The following RAP1A variants were observed in gnomAD, a reference collection of about 807,000 sequenced individuals.
The protein encoded by RAP1A is ras-related protein Rap-1A.
Under a neutral mutation model 26.4 loss-of-function variants are expected in RAP1A, and 6 were observed. The observed-to-expected ratio is 0.23, with a 90% CI of 0.12 to 0.45. The LOEUF (loss-of-function observed/expected upper bound fraction) is 0.45, where lower values mean the gene tolerates loss of function less well. RAP1A is among the 20% of genes least tolerant of loss of function. The probability of loss-of-function intolerance (pLI) is 0.99; values close to 1 mark genes in which losing one functional copy is unlikely to be tolerated. For missense variants in RAP1A, 121 were observed against 217.2 expected (o/e 0.56, Z 2.78); for synonymous variants, 73 against 79.4 (o/e 0.92, Z 0.43).
intron 2 of RAP1A, among the ~76,000 whole-genome samples, chr1:111,691,683 T>C (rs1195130122): frequency 6.6e-6 from 1 of 152,204 alleles, no homozygotes; most frequent in Non-Finnish European, 1.5e-5. Context: ...AGGAGTAAGA[T>C]TGTTCTCTTT....
At chr1:111,615,692 G>A (rs1326067426), upstream of RAP1A, among the ~76,000 whole-genome samples, 2 of 151,986 alleles carry the variant, frequency 1.3e-5, no homozygotes, top group Non-Finnish European at 1.5e-5. Context: ...TTAGCTGGCC[G>A]TGGTGGCCTG....
intron 1 of RAP1A, among the ~76,000 whole-genome samples, chr1:111,667,483 G>A (rs1302031493): frequency 2.0e-5 from 3 of 152,012 alleles, no homozygotes; most frequent in South Asian, 2.1e-4. Flanking sequence ...TCAGGAGTTC[G>A]AGACCAGCCT....
chr1:111,690,612 G>A (rs1307611994), intron 1 of RAP1A, among the ~76,000 whole-genome samples: 8 of 152,092 alleles, frequency 5.3e-5, no homozygotes, highest in African/African-American at 1.9e-4. Context: ...ATATTTTTTT[G>A]TTCACTGTTC....
At chr1:111,685,309 A>G (rs1355858508) in intron 1 of RAP1A, among the ~76,000 whole-genome samples, 3 of 152,358 alleles carry the variant, frequency 2.0e-5, no homozygotes, top group Admixed American at 6.5e-5. Flanking sequence ...TCTGCACAGC[A>G]AAAGAAACTA....
intron 1 of RAP1A, among the ~76,000 whole-genome samples, chr1:111,643,562 A>G (rs1433091763): frequency 6.6e-6 from 1 of 152,184 alleles, no homozygotes; most frequent in Non-Finnish European, 1.5e-5. Flanking sequence ...TGACATATAT[A>G]ACTGTATTTA....
At chr1:111,607,807 C>T (rs1241434095) in intron 1 of RAP1A, among the ~76,000 whole-genome samples, 1 of 130,252 alleles carries the variant, frequency 7.7e-6, no homozygotes. Flanking sequence ...GGCGGCTGGC[C>T]GGGCGGGGGG....
chr1:111,707,251 G>C (rs147841673), intron 6 of RAP1A, among the ~76,000 whole-genome samples: 7 of 152,046 alleles, frequency 4.6e-5, no homozygotes, highest in Non-Finnish European at 5.9e-5. Flanking sequence ...ATTTAGTCTT[G>C]TAGTCTGGAC....
At chr1:111,646,697 C>T (rs1452624270) in intron 1 of RAP1A, among the ~76,000 whole-genome samples, 1 of 152,072 alleles carries the variant, frequency 6.6e-6, no homozygotes, top group African/African-American at 2.4e-5. Context: ...CCCGCCACCA[C>T]ACCCGGCTAA....
intron 1 of RAP1A, among the ~76,000 whole-genome samples, chr1:111,603,592 A>T (rs745436611): frequency 6.6e-6 from 1 of 152,156 alleles, no homozygotes; most frequent in Non-Finnish European, 1.5e-5. Flanking sequence ...TTAGGTAACA[A>T]ATATTTCATT....
chr1:111,579,734 T>C (rs1357212718), intron 1 of RAP1A, among the ~76,000 whole-genome samples: 3 of 152,218 alleles, frequency 2.0e-5, no homozygotes, highest in African/African-American at 7.2e-5. Context: ...TTAGTTTACC[T>C]TGAGTAAAAT....
At chr1:111,630,493 G>A (rs887230752) in intron 1 of RAP1A, among the ~76,000 whole-genome samples, 5 of 152,142 alleles carry the variant, frequency 3.3e-5, no homozygotes, top group African/African-American at 1.2e-4. Flanking sequence ...GATGATAGTA[G>A]AGAGACACAG....
intron 1 of RAP1A, among the ~76,000 whole-genome samples, chr1:111,546,506 G>A (rs1303784207): frequency 6.6e-6 from 1 of 151,980 alleles, no homozygotes; most frequent in Non-Finnish European, 1.5e-5. Context: ...CTTCATATAA[G>A]TGAAATCACA....
At chr1:111,638,233 T>C (rs1334340743) in intron 1 of RAP1A, among the ~76,000 whole-genome samples, 1 of 152,198 alleles carries the variant, frequency 6.6e-6, no homozygotes, top group East Asian at 1.9e-4. Context: ...TCTACCTCAT[T>C]CTTGTAAGCT....
chr1:111,674,977 G>A (rs911025476), intron 1 of RAP1A, among the ~76,000 whole-genome samples: 3 of 151,828 alleles, frequency 2.0e-5, no homozygotes, highest in African/African-American at 7.3e-5. Flanking sequence ...AAATCACTTT[G>A]TCTTTTCCCC....
intron 1 of RAP1A, among the ~76,000 whole-genome samples, chr1:111,606,138 G>A (rs966874979): frequency 6.6e-6 from 1 of 152,196 alleles, no homozygotes; most frequent in African/African-American, 2.4e-5. Flanking sequence ...GGAGACCCTT[G>A]ACCTGAAGGG....
intron 1 of RAP1A, chr1:111,686,638 T>C (rs11578410): frequency 0.3 from 44,454 of 146,288 alleles, 7,206 homozygotes; most frequent in East Asian, 0.47. Context: ...CTGCAGTGAG[T>C]TGTGATTGTG....
chr1:111,689,730 C>T (rs1364611702), intron 1 of RAP1A, among the ~76,000 whole-genome samples: 9 of 152,016 alleles, frequency 5.9e-5, no homozygotes, highest in Non-Finnish European at 1.0e-4. Flanking sequence ...AGTGCAGTGG[C>T]GCGATCTCAG....
intron 1 of RAP1A, among the ~76,000 whole-genome samples, chr1:111,612,691 A>G (rs1317493802): frequency 6.6e-6 from 1 of 152,258 alleles, no homozygotes; most frequent in Non-Finnish European, 1.5e-5. Flanking sequence ...GATCTTTATC[A>G]TCTTTTAACA....
At chr1:111,671,346 G>A (rs1032623702) in intron 1 of RAP1A, among the ~76,000 whole-genome samples, 1 of 152,174 alleles carries the variant, frequency 6.6e-6, no homozygotes, top group Non-Finnish European at 1.5e-5. Flanking sequence ...TGCCACAAAT[G>A]AAAGTTGCTG....
Sources: allele counts gnomAD v4.1 joint callset (sites outside exome capture counted in the v4.1 genomes callset), GRCh38; gene constraint gnomAD v4.1.1; transcripts MANE v1.5; gene names NCBI Gene and HGNC (gene_info 2026-07-23, HGNC 2026-07-21).